Variants in IQCJ observed in about 807,000 individuals in gnomAD.
IQCJ encodes IQ domain-containing protein J.
IQCJ carries 9 observed loss-of-function variants against 11.0 expected under a neutral mutation model. The observed-to-expected ratio is 0.82, with a 90% CI of 0.49 to 1.43. The LOEUF is 1.43. Ranked by LOEUF, IQCJ falls within the 40% of genes most tolerant of loss-of-function variation. The pLI is 0.00. For missense variants in IQCJ, 146 were observed against 133.2 expected (o/e 1.10, Z -0.47); for synonymous variants, 55 against 51.3 (o/e 1.07, Z -0.31).
At chr3:159,151,467 A>G (rs1393764990) in intron 1 of IQCJ, among the ~76,000 whole-genome samples, 1 of 151,614 alleles carries the variant, frequency 6.6e-6, no homozygotes, top group African/African-American at 2.4e-5. Context: ...TTTCTTTCCA[A>G]CCTTCCACCT....
intron 1 of IQCJ, among the ~76,000 whole-genome samples, chr3:159,198,196 G>A (rs1247737827): frequency 6.6e-6 from 1 of 152,164 alleles, no homozygotes; most frequent in East Asian, 1.9e-4. Context: ...TAACTAGATG[G>A]ACTGTGAAAT....
chr3:159,252,478 T>C (rs968193857), intron 2 of IQCJ, among the ~76,000 whole-genome samples: 2 of 152,222 alleles, frequency 1.3e-5, no homozygotes, highest in Admixed American at 1.3e-4. Context: ...AGGAAATGAT[T>C]TTCATACCAT....
intron 1 of IQCJ, among the ~76,000 whole-genome samples, chr3:159,215,048 G>T (rs1483274168): frequency 6.6e-6 from 1 of 152,090 alleles, no homozygotes; most frequent in Non-Finnish European, 1.5e-5. Context: ...GTAAAGACAG[G>T]TGAACAAGAG....
chr3:159,184,004 C>T (rs1723246135), intron 1 of IQCJ, among the ~76,000 whole-genome samples: 1 of 151,290 alleles, frequency 6.6e-6, no homozygotes, highest in African/African-American at 2.4e-5. Context: ...CACGCAGCAG[C>T]CAGAGATCTT....
At chr3:159,157,487 C>T (rs989822033) in intron 1 of IQCJ, among the ~76,000 whole-genome samples, 4 of 152,240 alleles carry the variant, frequency 2.6e-5, no homozygotes, top group East Asian at 1.9e-4. Context: ...GATAAGCAAA[C>T]ATTTATATGA....
intron 1 of IQCJ, among the ~76,000 whole-genome samples, chr3:159,196,284 A>G (rs1287593936): frequency 6.6e-6 from 1 of 152,240 alleles, no homozygotes; most frequent in Non-Finnish European, 1.5e-5. Flanking sequence ...TGTTATAAAA[A>G]AAGGACTTTG....
chr3:159,082,549 C>T (rs1218124060), intron 1 of IQCJ, among the ~76,000 whole-genome samples: 1 of 151,832 alleles, frequency 6.6e-6, no homozygotes, highest in Non-Finnish European at 1.5e-5. Flanking sequence ...AAAAAAATGG[C>T]TTTGTAGTGG....
intron 1 of IQCJ, among the ~76,000 whole-genome samples, chr3:159,102,669 AAAAT>A (rs1194177253): frequency 2.0e-5 from 3 of 152,360 alleles, no homozygotes; most frequent in Admixed American, 6.5e-5. Context: ...ACCATTTTAA[AAAAT>A]AAATAGTTAG....
chr3:159,189,837 A>C (rs1272955688), intron 1 of IQCJ, among the ~76,000 whole-genome samples: 1 of 152,106 alleles, frequency 6.6e-6, no homozygotes, highest in African/African-American at 2.4e-5. Context: ...AAGCAGGCAA[A>C]CCTGGACTTC....
intron 1 of IQCJ, among the ~76,000 whole-genome samples, chr3:159,158,371 TGAA>T (rs1358306990): frequency 2.0e-5 from 3 of 152,192 alleles, no homozygotes; most frequent in African/African-American, 7.2e-5. Context: ...GTTCTTCTGA[TGAA>T]GAACAATTAC....
intron 3 of IQCJ, among the ~76,000 whole-genome samples, chr3:159,260,482 T>C (rs1298478284): frequency 6.6e-6 from 1 of 152,160 alleles, no homozygotes. Context: ...TTAGAGACTT[T>C]AGGAACCTTC....
intron 1 of IQCJ, among the ~76,000 whole-genome samples, chr3:159,244,296 A>T (rs1186372514): frequency 6.6e-6 from 1 of 152,146 alleles, no homozygotes; most frequent in African/African-American, 2.4e-5. Context: ...GATGGCTGGG[A>T]CTGGCAGCTG....
At chr3:159,198,817 C>T (rs527304159) in intron 1 of IQCJ, among the ~76,000 whole-genome samples, 2 of 152,284 alleles carry the variant, frequency 1.3e-5, no homozygotes, top group East Asian at 1.9e-4. Context: ...CCAACTGCTT[C>T]TGAATTTAAG....
At chr3:159,205,201 C>A (rs753293256) in intron 1 of IQCJ, among the ~76,000 whole-genome samples, 2 of 152,176 alleles carry the variant, frequency 1.3e-5, no homozygotes, top group Admixed American at 6.5e-5. Flanking sequence ...GAAGGATTCA[C>A]AGAACTCACT....
intron 1 of IQCJ, among the ~76,000 whole-genome samples, chr3:159,133,170 A>G (rs1188264519): frequency 6.6e-6 from 1 of 152,238 alleles, no homozygotes; most frequent in African/African-American, 2.4e-5. Flanking sequence ...ATTGGCACAC[A>G]GCCCAGGACA....
chr3:159,156,364 A>C (rs1248442108), intron 1 of IQCJ, among the ~76,000 whole-genome samples: 2 of 152,154 alleles, frequency 1.3e-5, no homozygotes, highest in African/African-American at 4.8e-5. Context: ...GCCCTGTGCT[A>C]GGTTTAGAAG....
rs989475122 is a variant in IQCJ at position 159,229,439 on chromosome 3, C to T, written c.10-16404C>T. 2.6e-5 allele frequency among the ~76,000 whole-genome samples: 4 copies of T among 152,152 alleles called. 1 individual carries two copies. Among genetic ancestry groups the T allele is most frequent in the African/African-American group, 2.4e-5 (1 of 41,496 alleles). ...ATAGTCTTCAGCAACTCCTTTCCTT[C>T]GCTCTGGTTATATTGGGCCTTTCAG... On this transcript the variant is annotated intron_variant, in intron 1 of 3. Transcript: ENST00000397832.
At chr3:159,191,994 G>A (rs1468558778) in intron 1 of IQCJ, among the ~76,000 whole-genome samples, 1 of 152,176 alleles carries the variant, frequency 6.6e-6, no homozygotes, top group Non-Finnish European at 1.5e-5. Flanking sequence ...ATTTTCATCA[G>A]AAAATGATTT....
At chr3:159,084,132 TA>T (rs1327052043) in intron 1 of IQCJ, among the ~76,000 whole-genome samples, 28 of 152,114 alleles carry the variant, frequency 1.8e-4, no homozygotes, top group African/African-American at 6.5e-4. Context: ...TGTGATATTA[TA>T]CTATATTTAT....
Sources: gnomAD v4.1 joint callset for allele counts (sites outside exome capture counted in the v4.1 genomes callset) on GRCh38, gnomAD v4.1.1 for gene constraint, MANE v1.5 for transcripts, NCBI Gene and HGNC (gene_info 2026-07-23, HGNC 2026-07-21) for gene names.